The following PLEKHA1 variants were observed in gnomAD, a reference collection of about 807,000 sequenced individuals.
The protein encoded by PLEKHA1 is pleckstrin homology domain-containing family A member 1.
A neutral mutation model predicts 52.0 loss-of-function variants in PLEKHA1; 34 were observed. The ratio of observed to expected loss-of-function variants is 0.65; its 90% CI spans 0.50 to 0.87. The LOEUF is 0.87. Among genes scored for constraint, PLEKHA1 ranks in the 40% least tolerant of loss-of-function variants. The probability of loss-of-function intolerance (pLI) is 0.00; values close to 1 mark genes in which losing one functional copy is unlikely to be tolerated. For synonymous variants in PLEKHA1, 163 were observed against 170.7 expected (o/e 0.95, Z 0.35); for missense variants, 497 against 504.2 (o/e 0.99, Z 0.14).
At chr10:122,406,845 G>A (rs2097023379) in intron 5 of PLEKHA1, among the ~76,000 whole-genome samples, 172 bp downstream of exon 5, 1 of 152,142 alleles carries the variant, frequency 6.6e-6, no homozygotes, top group African/African-American at 2.4e-5. Context: ...GTGACTGTTG[G>A]CACTTTAATC....
chr10:122,395,356 G>T (rs2134079082), intron 2 of PLEKHA1, among the ~76,000 whole-genome samples: 1 of 152,106 alleles, frequency 6.6e-6, no homozygotes, highest in South Asian at 2.1e-4. Context: ...AGGAAATCTT[G>T]ATTCTGCCAG....
At chr10:122,426,758 C>G (rs2097345283) in intron 10 of PLEKHA1, among the ~76,000 whole-genome samples, 184 bp from the exon 11 acceptor site, 1 of 152,032 alleles carries the variant, frequency 6.6e-6, no homozygotes, top group Non-Finnish European at 1.5e-5. Context: ...ATTTATGTCT[C>G]TGTGTAGTTA....
intron 1 of PLEKHA1, among the ~76,000 whole-genome samples, chr10:122,376,520 ATATATATATATAT>A (rs1565091238): frequency 5.1e-5 from 4 of 78,072 alleles, no homozygotes; most frequent in African/African-American, 1.2e-4. Flanking sequence ...ATATATATAT[ATATATATATATAT>A]AATATAAATA....
At chr10:122,411,644 G>A (rs1445128454) in intron 5 of PLEKHA1, 3 of 152,248 alleles carry the variant, frequency 2.0e-5, no homozygotes, top group Admixed American at 2.0e-4. Context: ...TTCTGGGTTC[G>A]AAGCAGGGGA....
intron 8 of PLEKHA1, 65 bp from the exon 9 acceptor site, chr10:122,424,134 C>A (rs973304647): frequency 6.7e-7 from 1 of 1,494,698 alleles, no homozygotes. Flanking sequence ...AGACAGCTAA[C>A]CTTTGAAAGG....
At chr10:122,422,535 A>G (rs1239161576) in intron 8 of PLEKHA1, 3 of 152,258 alleles carry the variant, frequency 2.0e-5, no homozygotes, top group African/African-American at 7.2e-5. Context: ...ACTGAATCTC[A>G]GCACGAATAA....
intron 1 of PLEKHA1, chr10:122,386,998 T>C (rs931315279): frequency 6.6e-6 from 1 of 152,218 alleles, no homozygotes; most frequent in Admixed American, 6.5e-5. Flanking sequence ...GCATGAATTC[T>C]TATTACCCAC....
At position 122,393,363 on chromosome 10, in the gene PLEKHA1, A is replaced by T; in HGVS notation, c.141+22A>T. On this transcript the variant is annotated intron_variant, in intron 2 of 11. Coordinates refer to ENST00000368990, the MANE Select transcript of PLEKHA1 (RefSeq NM_001001974.4). This position sits in a 1 kb window ranked among gnomAD's most constrained non-coding sequence, Gnocchi z 4.5. ...ACAGGTTTGTAAAATCCCAAGGATT[A>T]TCTTTTAAAAGCACAGAAAGTTGTA... 6.3e-7 allele frequency: 1 copy of T among 1,577,676 alleles called. No homozygotes were observed. Among genetic ancestry groups the T allele is most frequent in the Non-Finnish European group, 8.6e-7 (1 of 1,163,766 alleles).
At chr10:122,413,698 T>C (rs2097137350) in intron 6 of PLEKHA1, among the ~76,000 whole-genome samples, 1 of 152,156 alleles carries the variant, frequency 6.6e-6, no homozygotes, top group Non-Finnish European at 1.5e-5. Context: ...ATACAATTTT[T>C]GATGAAATTA....
In PLEKHA1 at chr10:122,414,512, A is replaced by C. The variant is rs144417657; in HGVS notation, c.469-1347A>C. On this transcript the variant is annotated intron_variant, in intron 6 of 11. Transcript: ENST00000368990. Reference sequence around the variant, plus strand: ...GACCTTCTTAAGAGGATGAAAAGAAAAGCTACAAACTGGGAGAAAATATTT... The same window carrying C: ...GACCTTCTTAAGAGGATGAAAAGAACAGCTACAAACTGGGAGAAAATATTT... Among the ~76,000 whole-genome samples, 934 of 152,272 alleles carry C rather than the reference A, an allele frequency of 6.1e-3. 9 individuals are homozygous for C. The highest frequency in any genetic ancestry group is 0.021 in the African/African-American group (879 of 41,572).
intron 8 of PLEKHA1, chr10:122,422,296 T>C (rs909457366): frequency 6.6e-5 from 10 of 152,284 alleles, no homozygotes; most frequent in Middle Eastern, 6.8e-3. Flanking sequence ...TGCAAAATTA[T>C]GATGGGAAAC....
At chr10:122,395,133 CA>C (rs1049992331) in intron 2 of PLEKHA1, among the ~76,000 whole-genome samples, 1 of 152,054 alleles carries the variant, frequency 6.6e-6, no homozygotes, top group African/African-American at 2.4e-5. Flanking sequence ...GGGCAGAGAT[CA>C]AAGCAAGAGA....
intron 5 of PLEKHA1, among the ~76,000 whole-genome samples, chr10:122,408,177 T>G (rs1590674820): frequency 6.6e-6 from 1 of 152,210 alleles, no homozygotes; most frequent in Non-Finnish European, 1.5e-5. Flanking sequence ...AGATAATATC[T>G]CGTAACTGTA....
downstream of PLEKHA1, chr10:122,433,019 T>A (rs1232918489): frequency 6.6e-6 from 1 of 152,196 alleles, no homozygotes; most frequent in Non-Finnish European, 1.5e-5. Flanking sequence ...GCAACTTGCC[T>A]TCAATGATTC....
chr10:122,407,783 C>T (rs1158317617), intron 5 of PLEKHA1, among the ~76,000 whole-genome samples: 2 of 152,066 alleles, frequency 1.3e-5, no homozygotes, highest in East Asian at 3.8e-4. Flanking sequence ...AAAGAAAGTG[C>T]AGTTATATAC....
the PLEKHA1 span, chr10:122,438,036 G>A: frequency 6.6e-6 from 1 of 152,166 alleles, no homozygotes; most frequent in Admixed American, 6.5e-5. Context: ...TGGGAGAATA[G>A]CTTGAATCTA....
chr10:122,375,128 C>G (rs1157495445), intron 1 of PLEKHA1, among the ~76,000 whole-genome samples: 3 of 151,834 alleles, frequency 2.0e-5, no homozygotes, highest in Non-Finnish European at 4.4e-5. Context: ...TCAGCGGCGC[C>G]CGGCGGGGGA....
In PLEKHA1 at chr10:122,429,140, C is replaced by T. The variant is rs1387009332; in HGVS notation, c.901-484C>T. Among the ~76,000 whole-genome samples the T allele has an allele frequency of 3.9e-5, 6 of 152,180 alleles. No individual in the cohort carries two copies. The East Asian group carries it at 7.7e-4, about 20-fold the overall frequency. Reference sequence around the variant, plus strand: ...GCAGAATAATGTTTGAAAGATGATTCGTGCTTATTAAAGAAATATGGCCTT... The same window carrying T: ...GCAGAATAATGTTTGAAAGATGATTTGTGCTTATTAAAGAAATATGGCCTT... On this transcript the variant is annotated intron_variant, in intron 11 of 11. Transcript: ENST00000368990.
chr10:122,418,003 T>A (rs553224946), intron 8 of PLEKHA1, 35 bp downstream of exon 8: 1 of 1,537,754 alleles, frequency 6.5e-7, no homozygotes, highest in Non-Finnish European at 9.0e-7. Flanking sequence ...GCTATAAGAA[T>A]GTTTGAAAAG....
Sources: allele counts gnomAD v4.1 joint callset (sites outside exome capture counted in the v4.1 genomes callset), GRCh38; gene constraint gnomAD v4.1.1; non-coding constraint Gnocchi (gnomAD v3.1); transcripts MANE v1.5; gene names NCBI Gene and HGNC (gene_info 2026-07-23, HGNC 2026-07-21).